The following TRIM25 variants were observed in gnomAD, a reference collection of about 807,000 sequenced individuals.
The protein encoded by TRIM25 is tripartite motif containing 25, also known as E3 ubiquitin/ISG15 ligase TRIM25.
A neutral mutation model predicts 65.2 loss-of-function variants in TRIM25; 45 were observed. The ratio of observed to expected loss-of-function variants is 0.69; its 90% CI spans 0.54 to 0.89. The LOEUF is 0.89. Among genes scored for constraint, TRIM25 ranks in the 40% least tolerant of loss-of-function variants. The pLI is 0.00. For synonymous variants in TRIM25, 321 were observed against 340.4 expected, an observed-to-expected ratio of 0.94 and a Z score of 0.63; for missense variants, 714 against 803.7, an observed-to-expected ratio of 0.89 and a Z score of 1.35.
chr17:56,898,713 A>G (rs1362687418), intron 5 of TRIM25, among the ~76,000 whole-genome samples: 1 of 152,078 alleles, frequency 6.6e-6, no homozygotes, highest in Non-Finnish European at 1.5e-5. Context: ...GAAACCAAAA[A>G]AAAAAAAACA....
At position 56,891,663 on chromosome 17, in the gene TRIM25, C is replaced by G. The variant is rs1224028424; in HGVS notation, c.*37G>C. The G allele has an allele frequency of 6.3e-7, 1 of 1,588,466 alleles. No homozygotes were observed. Among genetic ancestry groups the G allele is most frequent in the East Asian group, 2.2e-5 (1 of 44,588 alleles). ...CTGTATTTTCACTAGGGTCTTGGGACTTCTGCAGGCAGTCAGCCCAAGTGC... is the reference window on the plus strand; with the variant it reads ...CTGTATTTTCACTAGGGTCTTGGGAGTTCTGCAGGCAGTCAGCCCAAGTGC... On this transcript the variant is annotated 3_prime_UTR_variant, in exon 9 of 9. Transcript: ENST00000316881.
Position 56,895,425 on chromosome 17 carries a change from G to A in TRIM25, c.1281C>T (p.Thr427=), listed in dbSNP as rs1408789763. 1.2e-6 allele frequency: 2 copies of A among 1,614,184 alleles called. No individual in the cohort carries two copies. Among genetic ancestry groups the A allele is most frequent in the Non-Finnish European group, 8.5e-7 (1 of 1,180,032 alleles). The stretch of plus-strand genomic sequence containing the variant: ...GAGATGTTGAGTTCGGATGTGAGCT[G>A]GTGGCTTTGGCTGCAGCTGGGAGAG... The part of the protein sequence containing the change: ...QAGLEAAAKA[T]SSHPNSTSLK... Residue 427 remains threonine, a synonymous_variant, in exon 8 of 9, where the codon ACC becomes ACT. Transcript: ENST00000316881.
chr17:56,898,587 GCACAAA>G (rs1909346333), intron 5 of TRIM25, among the ~76,000 whole-genome samples: 1 of 152,028 alleles, frequency 6.6e-6, no homozygotes, highest in Non-Finnish European at 1.5e-5. Context: ...ATGTGTAAAA[GCACAAA>G]CATAAACAGT....
chr17:56,898,039 G>A (rs150311836), intron 5 of TRIM25, among the ~76,000 whole-genome samples: 14 of 152,292 alleles, frequency 9.2e-5, no homozygotes, highest in Non-Finnish European at 1.9e-4. Flanking sequence ...CCCAACACCA[G>A]CAGTGTGCAG....
chr17:56,898,924 G>A (rs751633418), intron 5 of TRIM25, 191 bp downstream of exon 5: 33 of 602,128 alleles, frequency 5.5e-5, no homozygotes, highest in Middle Eastern at 4.5e-4. Context: ...CAGCCCAAAC[G>A]TGCAATGCTG....
chr17:56,893,677 G>C (rs1909229580), intron 8 of TRIM25, among the ~76,000 whole-genome samples: 1 of 152,238 alleles, frequency 6.6e-6, no homozygotes, highest in Admixed American at 6.5e-5. Context: ...GAAAGTGGGA[G>C]GGCCCTAGGC....
intron 2 of TRIM25, among the ~76,000 whole-genome samples, chr17:56,905,103 T>C (rs1909494216): frequency 6.6e-6 from 1 of 152,196 alleles, no homozygotes; most frequent in South Asian, 2.1e-4. Context: ...TGATATTTTA[T>C]TTCTTAAGCT....
intron 3 of TRIM25, among the ~76,000 whole-genome samples, chr17:56,903,060 G>A (rs1909444909): frequency 6.6e-6 from 1 of 152,156 alleles, no homozygotes; most frequent in African/African-American, 2.4e-5. Context: ...TGCCATGCTT[G>A]TACAACCTGT....
intron 8 of TRIM25, among the ~76,000 whole-genome samples, chr17:56,893,585 T>A (rs1909227742): frequency 6.6e-6 from 1 of 152,242 alleles, no homozygotes; most frequent in Non-Finnish European, 1.5e-5. Context: ...AGTGATTGGC[T>A]TTGGCCTCCA....
chr17:56,912,907 G>A (rs1909657521), intron 1 of TRIM25: 1 of 152,926 alleles, frequency 6.5e-6, no homozygotes, highest in African/African-American at 2.4e-5. Flanking sequence ...AGGAGGTCGA[G>A]GTGGGCAGAT....
In TRIM25 at chr17:56,904,467, C is replaced by A. The variant is rs1179029508; in HGVS notation, c.715G>T (p.Glu239Ter). 1 of 1,614,028 alleles carries A rather than the reference C, an allele frequency of 6.2e-7. No homozygotes were observed. The highest frequency in any genetic ancestry group is 8.5e-7 in the Non-Finnish European group (1 of 1,180,042). The change falls in exon 3 of 9, where the codon GAG becomes TAG. Residue 239 changes from glutamate (E) to a stop codon, truncating the protein, a stop_gained. Transcript: ENST00000316881. LOFTEE classifies it high-confidence loss of function. ...TCCGTGTATTCTTGTTGTAGCTGCT[C>A]CACCTTTCTGTTTGCAGTCATCTGA... ...DVRMTANRKV[E>*]QLQQEYTEMK...
intron 3 of TRIM25, among the ~76,000 whole-genome samples, 179 bp from the exon 4 acceptor site, chr17:56,901,757 T>C (rs1160715898): frequency 6.6e-6 from 1 of 152,114 alleles, no homozygotes; most frequent in African/African-American, 2.4e-5. Flanking sequence ...CACAGTAATC[T>C]GGAGCTGGAG....
intron 8 of TRIM25, among the ~76,000 whole-genome samples, chr17:56,893,939 C>T (rs1420277113): frequency 5.3e-5 from 8 of 152,184 alleles, no homozygotes; most frequent in East Asian, 1.9e-4. Context: ...TGCAGTGGCA[C>T]GAGGATTAGA....
intron 2 of TRIM25, 115 bp downstream of exon 2, chr17:56,908,353 G>T: frequency 1.0e-6 from 1 of 986,624 alleles, no homozygotes; most frequent in South Asian, 1.3e-5. Context: ...GTTTCATCCT[G>T]ACACTGTGAG....
chr17:56,904,195 C>G, intron 3 of TRIM25, 60 bp downstream of exon 3: 3 of 1,449,388 alleles, frequency 2.1e-6, no homozygotes, highest in Non-Finnish European at 1.9e-6. Context: ...CTATCATCAA[C>G]AGCATGACAT....
intron 5 of TRIM25, 107 bp downstream of exon 5, chr17:56,899,008 A>T: frequency 7.7e-7 from 1 of 1,290,748 alleles, no homozygotes. Flanking sequence ...TTTCCCACTG[A>T]GGTCCAGGCC....
In TRIM25 at chr17:56,890,936, A is replaced by G; in HGVS notation, c.*764T>C. 1 of 456,248 alleles carries G rather than the reference A, an allele frequency of 2.2e-6. No individual in the cohort carries two copies. 28.3% of individuals were successfully genotyped at this position (456,248 alleles called of 1,614,324 possible). On this transcript the variant is annotated 3_prime_UTR_variant, in exon 9 of 9. Transcript: ENST00000316881. ...AAGATGCTTCTTATGATACTTAGGA[A>G]GGATTTCCACCCAAACTGGATCAGG...
rs17851449 is a variant in TRIM25, at chr17:56,913,658, G to A, written c.331C>T (p.Leu111=). The A allele has an allele frequency of 1.3e-6, 2 of 1,597,096 alleles. No individual in the cohort carries two copies. Among genetic ancestry groups the A allele is most frequent in the Non-Finnish European group, 1.7e-6 (2 of 1,170,626 alleles). The change falls in exon 1 of 9, where the codon CTG becomes TTG. Residue 111 remains leucine (L), a synonymous_variant. Coordinates refer to ENST00000316881, the MANE Select transcript of TRIM25 (RefSeq NM_005082.5). The surrounding 1 kb of genome is among the most constrained non-coding windows in gnomAD (Gnocchi z 6.1). ...CACGTCTTCACGGCGGCCTCCTTCA[G>A]GCAGTGGTCGCAGGCCACCTGGGCA... is the stretch of plus-strand genomic sequence containing the variant. The part of the protein sequence containing the change: ...PNAQVACDHC[L]KEAAVKTCLV...
chr17:56,913,712 G>T lies in TRIM25; in HGVS notation c.277C>A (p.Pro93Thr). 6.4e-7 allele frequency: 1 copy of T among 1,569,072 alleles called. No homozygotes were observed. The stretch of plus-strand genomic sequence containing the variant: ...GGGCTGGGTGCAGAGGCGCGGGCGG[G>T]CGGCGTCCAGACGTCGGCGGGTGGC... The part of the protein sequence containing the change: ...REPPADVWTP[P>T]ARASAPSPNA... Residue 93 changes from proline to threonine, a missense_variant, in exon 1 of 9, where the codon CCC becomes ACC. Pro to Thr is a conservative substitution (Grantham distance 38). This residue lies in a region of TRIM25 where 291 missense variants were observed against 281.8 expected (regional missense o/e 1.03). Transcript: ENST00000316881. This position sits in a 1 kb window ranked among gnomAD's most constrained non-coding sequence, Gnocchi z 6.1.
Sources: allele counts gnomAD v4.1 joint callset (sites outside exome capture counted in the v4.1 genomes callset), GRCh38; gene constraint gnomAD v4.1.1; regional missense constraint gnomAD v4.1.1; non-coding constraint Gnocchi (gnomAD v3.1); transcripts MANE v1.5; gene names NCBI Gene and HGNC (gene_info 2026-07-23, HGNC 2026-07-21).